Variants in EEPD1 observed in about 807,000 individuals in gnomAD.
EEPD1 encodes endonuclease/exonuclease/phosphatase family domain-containing protein 1.
Under a neutral mutation model 46.3 loss-of-function variants are expected in EEPD1, and 17 were observed. That is an observed-to-expected ratio of 0.37 (90% CI 0.25 to 0.55). The LOEUF is 0.55. Ranked by LOEUF, EEPD1 falls within the 20% of genes least tolerant of loss-of-function variation. EEPD1 has a pLI of 0.83. For synonymous variants in EEPD1, 313 were observed against 315.6 expected (o/e 0.99, Z 0.09); for missense variants, 673 against 745.6 (o/e 0.90, Z 1.13).
chr7:36,290,956 G>A (rs1787419611), intron 6 of EEPD1, among the ~76,000 whole-genome samples: 1 of 152,176 alleles, frequency 6.6e-6, no homozygotes. Flanking sequence ...CTGCCTTGAT[G>A]TCATCACCGA....
chr7:36,287,770 C>T lies in EEPD1; in HGVS notation c.1308C>T (p.Thr436=), dbSNP rs755090722. The T allele has an allele frequency of 6.2e-7, 1 of 1,613,626 alleles. No homozygotes were observed. Among genetic ancestry groups the T allele is most frequent in the Non-Finnish European group, 8.5e-7 (1 of 1,179,732 alleles). The change falls in exon 6 of 8, where the codon ACC becomes ACT. Residue 436 remains threonine (T), a synonymous_variant. Transcript: ENST00000242108. ...LASFAQTLQE[T]LKGEKDVIIL... is the part of the protein sequence containing the mutation. ...GCTTTGCACAGACCCTACAGGAAAC[C>T]CTGAAAGGTAGGACATTGTCTTTTG...
At position 36,243,373 on chromosome 7, in the gene EEPD1, T is replaced by G. The variant is rs767249366; in HGVS notation, c.930+4337T>G. Among the ~76,000 whole-genome samples the G allele has an allele frequency of 1.4e-4, 22 of 151,970 alleles. 1 individual carries two copies. The highest frequency in any genetic ancestry group is 4.4e-5 in the Non-Finnish European group (3 of 68,010). The stretch of plus-strand genomic sequence containing the variant: ...CGTCATTCTATTTGTGAGAACCCAG[T>G]TTTTATTTTTAGTTCACCTGCGTCT... On this transcript the variant is annotated intron_variant, in intron 3 of 7. Coordinates refer to ENST00000242108, the MANE Select transcript of EEPD1 (RefSeq NM_030636.3).
At chr7:36,298,866 C>A in intron 7 of EEPD1, 141 bp from the exon 8 acceptor site, 1 of 874,568 alleles carries the variant, frequency 1.1e-6, no homozygotes, top group Non-Finnish European at 1.8e-6. Flanking sequence ...AATGCACAGG[C>A]ACCTTCCAGC....
chr7:36,296,862 G>A (rs1331764214), intron 6 of EEPD1, 131 bp from the exon 7 acceptor site: 1 of 803,732 alleles, frequency 1.2e-6, no homozygotes, highest in Non-Finnish European at 1.9e-6. Flanking sequence ...AGGAGAGTGA[G>A]AACCATGCCA....
chr7:36,209,373 C>G (rs1038766842), intron 2 of EEPD1, among the ~76,000 whole-genome samples: 1 of 152,126 alleles, frequency 6.6e-6, no homozygotes, highest in Non-Finnish European at 1.5e-5. Context: ...TTCTCATTGC[C>G]GGCTCTGTTT....
chr7:36,156,879 G>A lies in EEPD1; in HGVS notation c.878+1677G>A, dbSNP rs1393882905. On this transcript the variant is annotated intron_variant, in intron 2 of 7. Coordinates refer to ENST00000242108, the MANE Select transcript of EEPD1 (RefSeq NM_030636.3). The stretch of plus-strand genomic sequence containing the variant: ...CTTGGAAGCCCCTTCCTCTGGCAGG[G>A]TTAGTGAATTCATGCAGAACTTTCC... Among the ~76,000 whole-genome samples the A allele has an allele frequency of 2.6e-5, 4 of 152,262 alleles. 1 individual carries two copies. The highest frequency in any genetic ancestry group is 4.1e-4 in the South Asian group (2 of 4,820).
intron 2 of EEPD1, among the ~76,000 whole-genome samples, chr7:36,176,066 C>T (rs1268729848): frequency 6.6e-6 from 1 of 152,126 alleles, no homozygotes; most frequent in Non-Finnish European, 1.5e-5. Flanking sequence ...CCCAGGGAAC[C>T]CTCGCCCTCC....
intron 2 of EEPD1, among the ~76,000 whole-genome samples, chr7:36,156,898 A>G (rs1784833941): frequency 6.6e-6 from 1 of 152,124 alleles, no homozygotes; most frequent in Non-Finnish European, 1.5e-5. Context: ...TTCATGCAGA[A>G]CTTTCCAGGT....
At chr7:36,269,994 A>G (rs988397646) in intron 3 of EEPD1, among the ~76,000 whole-genome samples, 1 of 152,256 alleles carries the variant, frequency 6.6e-6, no homozygotes, top group Non-Finnish European at 1.5e-5. Flanking sequence ...TTCGCCACCA[A>G]GGAGATGGCA....
intron 5 of EEPD1, 110 bp downstream of exon 5, chr7:36,284,930 G>A (rs1348374289): frequency 7.5e-7 from 1 of 1,331,510 alleles, no homozygotes; most frequent in African/African-American, 1.5e-5. Flanking sequence ...TTTTTGCCTT[G>A]ATTTCAGCCT....
intron 3 of EEPD1, among the ~76,000 whole-genome samples, chr7:36,246,277 CTG>C (rs1786639440): frequency 6.6e-6 from 1 of 152,158 alleles, no homozygotes; most frequent in Admixed American, 6.5e-5. Flanking sequence ...TGAGTTCATG[CTG>C]TGAGGGCAGT....
chr7:36,185,372 AT>A (rs1785347117), intron 2 of EEPD1, among the ~76,000 whole-genome samples: 1 of 152,194 alleles, frequency 6.6e-6, no homozygotes, highest in Non-Finnish European at 1.5e-5. Flanking sequence ...TTGTGTGGGT[AT>A]CCCACAGTTT....
intron 3 of EEPD1, among the ~76,000 whole-genome samples, chr7:36,275,338 T>G (rs1278107869): frequency 2.6e-5 from 4 of 152,198 alleles, no homozygotes; most frequent in African/African-American, 9.7e-5. Flanking sequence ...GAGTCCCAGG[T>G]TGCATTTTAA....
At position 36,207,888 on chromosome 7, in the gene EEPD1, GTT is replaced by G. The variant is rs35062290; in HGVS notation, c.879-31075_879-31074del. ...GCTTGTCTGGAATCTCAGTGCAGGA[GTT>G]TTTTTTTTTTTTTTTTTTTTTAACC... On this transcript the variant is annotated intron_variant, in intron 2 of 7. Coordinates refer to ENST00000242108, the MANE Select transcript of EEPD1 (RefSeq NM_030636.3). 2.1e-3 allele frequency among the ~76,000 whole-genome samples: 258 copies of G among 122,136 alleles called. 1 individual carries two copies. Among genetic ancestry groups the G allele is most frequent in the South Asian group, 6.2e-3 (22 of 3,556 alleles). 80.1% of individuals were successfully genotyped at this position (122,136 alleles called of 152,430 possible).
intron 2 of EEPD1, among the ~76,000 whole-genome samples, chr7:36,182,132 G>T (rs1317321684): frequency 6.6e-6 from 1 of 152,210 alleles, no homozygotes; most frequent in East Asian, 1.9e-4. Context: ...GAAACAGTCT[G>T]TGTGTCCACT....
chr7:36,211,276 C>T (rs186784244), intron 2 of EEPD1, among the ~76,000 whole-genome samples: 7 of 152,186 alleles, frequency 4.6e-5, no homozygotes, highest in African/African-American at 7.2e-5. Context: ...GCTATACATG[C>T]GCAGTGTTAA....
At chr7:36,282,063 G>A (rs1048758282) in intron 4 of EEPD1, among the ~76,000 whole-genome samples, 1 of 152,204 alleles carries the variant, frequency 6.6e-6, no homozygotes, top group African/African-American at 2.4e-5. Flanking sequence ...AGAGGTACAT[G>A]TAAATCTTCT....
At chr7:36,254,341 A>C (rs1476449630) in intron 3 of EEPD1, among the ~76,000 whole-genome samples, 3 of 152,124 alleles carry the variant, frequency 2.0e-5, no homozygotes, top group Non-Finnish European at 4.4e-5. Context: ...ATGTGTTCTC[A>C]TTCTTCAACT....
chr7:36,293,363 C>G (rs1200977443), intron 6 of EEPD1, among the ~76,000 whole-genome samples: 1 of 152,146 alleles, frequency 6.6e-6, no homozygotes, highest in Non-Finnish European at 1.5e-5. Flanking sequence ...CAGCAGAGCT[C>G]TTTAATATTC....
Sources: gnomAD v4.1 joint callset for allele counts (sites outside exome capture counted in the v4.1 genomes callset) on GRCh38, gnomAD v4.1.1 for gene constraint, MANE v1.5 for transcripts, NCBI Gene and HGNC (gene_info 2026-07-23, HGNC 2026-07-21) for gene names.